The following POLR3B variants were observed in gnomAD, a reference collection of about 807,000 sequenced individuals.
POLR3B encodes DNA-directed RNA polymerase III subunit RPC2.
A neutral mutation model predicts 147.4 loss-of-function variants in POLR3B; 96 were observed. The ratio of observed to expected loss-of-function variants is 0.65; its 90% CI spans 0.55 to 0.77. The LOEUF is 0.77. Among genes scored for constraint, POLR3B ranks in the 30% least tolerant of loss-of-function variants. The pLI is 0.00. For synonymous variants in POLR3B, 461 were observed against 485.9 expected, an observed-to-expected ratio of 0.95 and a Z score of 0.67; for missense variants, 1,036 against 1,413.5, an observed-to-expected ratio of 0.73 and a Z score of 4.28.
At chr12:106,505,702 C>G (rs1006224109) in intron 27 of POLR3B, among the ~76,000 whole-genome samples, 10 of 152,202 alleles carry the variant, frequency 6.6e-5, no homozygotes, top group African/African-American at 2.4e-4. Context: ...AGTGCCTTTT[C>G]TCTAGATAGG....
chr12:106,492,382 CAAAA>C (rs879539927), intron 23 of POLR3B, among the ~76,000 whole-genome samples: 1 of 144,302 alleles, frequency 6.9e-6, no homozygotes, highest in Admixed American at 6.9e-5. Context: ...CTCATCTCTA[CAAAA>C]AAAAAAATTA....
intron 7 of POLR3B, among the ~76,000 whole-genome samples, chr12:106,377,087 G>A (rs1018500080): frequency 1.3e-5 from 2 of 152,204 alleles, no homozygotes; most frequent in Non-Finnish European, 2.9e-5. Flanking sequence ...GGCCTTGCCT[G>A]GTTGAAAAAA....
At chr12:106,421,227 A>AT (rs962763762) in intron 12 of POLR3B, among the ~76,000 whole-genome samples, 1 of 151,826 alleles carries the variant, frequency 6.6e-6, no homozygotes, top group African/African-American at 2.4e-5. Context: ...CCCATTTGAC[A>AT]TTAAAAAAAA....
chr12:106,430,533 G>A (rs2037494422), intron 14 of POLR3B, 60 bp downstream of exon 14: 2 of 1,361,476 alleles, frequency 1.5e-6, no homozygotes, highest in Admixed American at 1.7e-5. Context: ...CTGTGCATGG[G>A]GTGGGGTGGG....
At chr12:106,469,233 A>G (rs906524721) in intron 23 of POLR3B, among the ~76,000 whole-genome samples, 1 of 148,542 alleles carries the variant, frequency 6.7e-6, no homozygotes, top group African/African-American at 2.5e-5. Flanking sequence ...GTTGGTTTAA[A>G]GTCTGCTTTA....
At chr12:106,405,416 T>C (rs1223141531) in intron 10 of POLR3B, among the ~76,000 whole-genome samples, 1 of 152,096 alleles carries the variant, frequency 6.6e-6, no homozygotes, top group Non-Finnish European at 1.5e-5. Context: ...CTGTCAGCAC[T>C]GTTTTGTAGC....
chr12:106,479,403 CAG>C (rs147872452), intron 23 of POLR3B, among the ~76,000 whole-genome samples: 11,416 of 147,822 alleles, frequency 0.077, 519 homozygotes, highest in Middle Eastern at 0.13. Flanking sequence ...TTTTTTGAGA[CAG>C]AGTCTTGCTG....
chr12:106,441,963 C>G (rs2037657198), intron 18 of POLR3B, among the ~76,000 whole-genome samples: 1 of 151,806 alleles, frequency 6.6e-6, no homozygotes, highest in African/African-American at 2.4e-5. Flanking sequence ...GTCTGTAATC[C>G]CAGCTACTCC....
rs1003268698 is a variant in POLR3B at position 106,358,154 on chromosome 12, A to C, written c.72+203A>C. The C allele has an allele frequency of 4.8e-6, 7 of 1,448,494 alleles. No homozygotes were observed. The African/African-American group carries it at 5.7e-5, about 12-fold the overall frequency. 89.7% of individuals were successfully genotyped at this position (1,448,494 alleles called of 1,614,324 possible). ...CGCGAGTGAAGGCTGATCCCAGAGG[A>C]GCTGTCAGCCGCTGCGGGGGCCGAG... On this transcript the variant is annotated intron_variant, in intron 1 of 27. Coordinates refer to ENST00000228347, the MANE Select transcript of POLR3B (RefSeq NM_018082.6).
intron 9 of POLR3B, among the ~76,000 whole-genome samples, chr12:106,385,777 CTT>C (rs2036827613): frequency 6.6e-6 from 1 of 152,144 alleles, no homozygotes; most frequent in Non-Finnish European, 1.5e-5. Flanking sequence ...TGTGAAGAAA[CTT>C]TTAGGAAATT....
chr12:106,434,832 T>C (rs982270903), intron 16 of POLR3B, among the ~76,000 whole-genome samples: 2 of 152,186 alleles, frequency 1.3e-5, no homozygotes, highest in African/African-American at 2.4e-5. Context: ...TTTTGAGGAC[T>C]GCCTGTCCCC....
intron 4 of POLR3B, among the ~76,000 whole-genome samples, chr12:106,368,409 A>G (rs1442146661): frequency 2.0e-5 from 3 of 152,044 alleles, no homozygotes; most frequent in Admixed American, 2.0e-4. Context: ...ACATATATTA[A>G]AAACCATGCA....
chr12:106,399,034 C>T (rs2037021870), intron 10 of POLR3B, among the ~76,000 whole-genome samples: 1 of 152,098 alleles, frequency 6.6e-6, no homozygotes, highest in Non-Finnish European at 1.5e-5. Context: ...CAAACTACTC[C>T]AAGCTGCAGG....
chr12:106,453,270 G>T (rs1220701529), intron 19 of POLR3B, among the ~76,000 whole-genome samples: 3 of 151,892 alleles, frequency 2.0e-5, no homozygotes, highest in Non-Finnish European at 4.4e-5. Flanking sequence ...CATCGACCTC[G>T]CAAAGTGCTG....
At chr12:106,465,798 T>A (rs993713556) in intron 23 of POLR3B, among the ~76,000 whole-genome samples, 4 of 152,228 alleles carry the variant, frequency 2.6e-5, no homozygotes, top group African/African-American at 7.2e-5. Flanking sequence ...GAACTCATCC[T>A]TTTTTATGGC....
Position 106,437,669 on chromosome 12 carries a change from A to G in POLR3B, c.1857-12A>G, listed in dbSNP as rs528038639. 1.9e-5 allele frequency: 28 copies of G among 1,481,648 alleles called. No individual in the cohort carries two copies. Among genetic ancestry groups the G allele is most frequent in the Middle Eastern group, 1.7e-4 (1 of 5,796 alleles). 91.8% of individuals were successfully genotyped at this position (1,481,648 alleles called of 1,614,324 possible). A position where few individuals can be genotyped will look rare whatever the true frequency, so the allele number is the denominator to read the frequency against. On this transcript the variant is annotated splice_polypyrimidine_tract_variant and intron_variant, in intron 17 of 27. Coordinates refer to ENST00000228347, the MANE Select transcript of POLR3B (RefSeq NM_018082.6). ...CTTTTTAATGATGTCTCTTTCACCAATATTTTCCCAGGAATTTTGAAGATT... is the reference window on the plus strand; with the variant it reads ...CTTTTTAATGATGTCTCTTTCACCAGTATTTTCCCAGGAATTTTGAAGATT...
chr12:106,425,743 C>G (rs1319996625), intron 12 of POLR3B, among the ~76,000 whole-genome samples: 1 of 152,090 alleles, frequency 6.6e-6, no homozygotes. Context: ...TGTGGCAGTC[C>G]ACATTTGGCC....
intron 6 of POLR3B, among the ~76,000 whole-genome samples, chr12:106,375,354 A>G (rs984592208): frequency 1.2e-4 from 18 of 152,068 alleles, no homozygotes; most frequent in Non-Finnish European, 2.4e-4. Flanking sequence ...GTGAGGATTT[A>G]TGGCTTTCAT....
intron 25 of POLR3B, chr12:106,500,149 T>A (rs1481238541): frequency 6.6e-6 from 3 of 455,932 alleles, no homozygotes; most frequent in African/African-American, 6.0e-5. Context: ...GATCGTTGTG[T>A]GGATTAAGTA....
Sources: allele counts gnomAD v4.1 joint callset (sites outside exome capture counted in the v4.1 genomes callset), GRCh38; gene constraint gnomAD v4.1.1; transcripts MANE v1.5; gene names NCBI Gene and HGNC (gene_info 2026-07-23, HGNC 2026-07-21).